The following CKAP5 variants were observed in gnomAD, a reference collection of about 807,000 sequenced individuals.
The protein encoded by CKAP5 is cytoskeleton-associated protein 5.
Under a neutral mutation model 232.8 loss-of-function variants are expected in CKAP5, and 27 were observed. The ratio of observed to expected loss-of-function variants is 0.12; its 90% CI spans 0.09 to 0.16. The LOEUF is 0.16. Ranked by LOEUF, CKAP5 falls within the 10% of genes least tolerant of loss-of-function variation. CKAP5 has a pLI of 1.00. For synonymous variants in CKAP5, 785 were observed against 841.1 expected (o/e 0.93, Z 1.16); for missense variants, 1,838 against 2,424.7 (o/e 0.76, Z 5.08).
At chr11:46,766,182 A>T (rs570235384) in intron 27 of CKAP5, among the ~76,000 whole-genome samples, 24 of 152,356 alleles carry the variant, frequency 1.6e-4, no homozygotes, top group African/African-American at 5.8e-4. Flanking sequence ...CACTATTTCT[A>T]GTTGGCCACA....
In CKAP5 at chr11:46,762,026, C is replaced by T; in HGVS notation, c.4195G>A (p.Asp1399Asn). ...TIVTVYNVHG[D>N]QVFKLIGNLS... is the part of the protein sequence containing the mutation. ...TTTCCAATCAGTTTGAACACCTGAT[C>T]CCCATGTACATTGTACACCGTTACA... is the stretch of plus-strand genomic sequence containing the variant. Residue 1399 changes from aspartate (D) to asparagine (N), a missense_variant, in exon 32 of 44, where the codon GAT (aspartate) becomes AAT (asparagine). Physicochemically the swap from Asp to Asn is conservative, Grantham distance 23 (BLOSUM62 1). Around this residue, in one of 6 missense-constraint regions of CKAP5, gnomAD observed 579 missense variants for 843.2 expected, o/e 0.69. Transcript: ENST00000529230. 6.2e-7 allele frequency: 1 copy of T among 1,613,190 alleles called. No homozygotes were observed. The highest frequency in any genetic ancestry group is 2.2e-5 in the East Asian group (1 of 44,886).
chr11:46,826,061 G>C (rs1329339811), intron 1 of CKAP5, among the ~76,000 whole-genome samples: 1 of 152,178 alleles, frequency 6.6e-6, no homozygotes, highest in Non-Finnish European at 1.5e-5. Context: ...CAGGCGGCCA[G>C]AAATCTGAAC....
rs184016713 is a variant in CKAP5 at position 46,831,374 on chromosome 11, T to G, written c.-37-10106A>C. Reference sequence around the variant, plus strand: ...ATCTGCCTATACTCATCCCATAGGCTACACTTCACTCTCTCTCTTAACATT... The same window carrying G: ...ATCTGCCTATACTCATCCCATAGGCGACACTTCACTCTCTCTCTTAACATT... On this transcript the variant is annotated intron_variant, in intron 1 of 43. Transcript: ENST00000529230. Among the ~76,000 whole-genome samples, 415 of 152,350 alleles carry G rather than the reference T, an allele frequency of 2.7e-3. 3 individuals carry two copies. Among genetic ancestry groups the G allele is most frequent in the African/African-American group, 9.8e-3 (406 of 41,590 alleles).
At chr11:46,835,640 C>T (rs1939898228) in intron 1 of CKAP5, among the ~76,000 whole-genome samples, 1 of 152,160 alleles carries the variant, frequency 6.6e-6, no homozygotes, top group African/African-American at 2.4e-5. Context: ...CACACTCACA[C>T]ATACACACTA....
At chr11:46,835,089 C>T (rs1939885285) in intron 1 of CKAP5, among the ~76,000 whole-genome samples, 2 of 151,916 alleles carry the variant, frequency 1.3e-5, no homozygotes, top group Admixed American at 6.6e-5. Flanking sequence ...TATCTTGTAG[C>T]AGTGCCTTCT....
chr11:46,761,606 C>T (rs749089607), intron 32 of CKAP5, among the ~76,000 whole-genome samples: 1 of 152,148 alleles, frequency 6.6e-6, no homozygotes, highest in Non-Finnish European at 1.5e-5. Flanking sequence ...ACGGCTGTAG[C>T]GCAAGATGTG....
intron 1 of CKAP5, among the ~76,000 whole-genome samples, chr11:46,831,207 T>C (rs1939784315): frequency 6.6e-6 from 1 of 152,166 alleles, no homozygotes; most frequent in Non-Finnish European, 1.5e-5. Context: ...CAGCATCTTT[T>C]ATAATAATGT....
intron 1 of CKAP5, among the ~76,000 whole-genome samples, chr11:46,837,138 A>G (rs1449523551): frequency 1.3e-5 from 2 of 152,228 alleles, no homozygotes; most frequent in African/African-American, 2.4e-5. Context: ...TGGGTTAGCA[A>G]TTCTGATACT....
intron 1 of CKAP5, among the ~76,000 whole-genome samples, chr11:46,826,167 A>G (rs1259375276): frequency 6.6e-6 from 1 of 152,172 alleles, no homozygotes; most frequent in East Asian, 1.9e-4. Context: ...GGAGAGGGGT[A>G]AAGAGCTGTC....
rs748209214 is a variant in CKAP5 at position 46,753,369 on chromosome 11, G to A, written c.4998C>T (p.Arg1666=). 6.2e-7 allele frequency: 1 copy of A among 1,613,984 alleles called. No individual in the cohort carries two copies. The highest frequency in any genetic ancestry group is 8.5e-7 in the Non-Finnish European group (1 of 1,179,972). The change falls in exon 37 of 44, where the codon CGC becomes CGT. Residue 1666 remains arginine (R), a synonymous_variant. Transcript: ENST00000529230. ...CCTTCACCACCAAGAGGTTCACAGA[G>A]CGGATGACCTGTTGTCCTTCCTCAA... The part of the protein sequence containing the change: ...EDLEEGQQVI[R]SVNLLVVKVL...
rs1939699582 is a variant in CKAP5, at chr11:46,828,264, G to A, written c.-37-6996C>T. On this transcript the variant is annotated intron_variant, in intron 1 of 43. Transcript: ENST00000529230. ...CTTTTCCTTACTTGGGTGGGGGCGG[G>A]GTAGATAAATAAATAAAGTTGCCAA... Among the ~76,000 whole-genome samples, 3 of 150,420 alleles carry A rather than the reference G, an allele frequency of 2.0e-5. No homozygotes were observed. The South Asian group carries it at 6.3e-4, about 32-fold the overall frequency.
At chr11:46,788,166 A>G (rs2065414130) in intron 16 of CKAP5, among the ~76,000 whole-genome samples, 1 of 152,196 alleles carries the variant, frequency 6.6e-6, no homozygotes, top group Admixed American at 6.5e-5. Flanking sequence ...GGGAGTCCAG[A>G]GTTATATGTG....
At chr11:46,768,469 GC>G (rs2065222741) in intron 26 of CKAP5, among the ~76,000 whole-genome samples, 1 of 151,956 alleles carries the variant, frequency 6.6e-6, no homozygotes, top group African/African-American at 2.4e-5. Flanking sequence ...GAGCCACCAT[GC>G]CCAGCCCAGA....
Position 46,760,705 on chromosome 11 carries a change from T to C in CKAP5, c.4301A>G (p.Gln1434Arg), listed in dbSNP as rs1158073395. The C allele has an allele frequency of 6.2e-7, 1 of 1,614,116 alleles. No individual in the cohort carries two copies. Among genetic ancestry groups the C allele is most frequent in the Non-Finnish European group, 8.5e-7 (1 of 1,180,028 alleles). ...TGCACGCTGAGGTTTCTCTTCCACC[T>C]GTTTTATTGGTGCAGCAGAGGGTCT... ...AKRPSAAPIKQVEEKPQRAQN... is the reference protein window; with the variant it reads ...AKRPSAAPIKRVEEKPQRAQN... Residue 1434 changes from glutamine (Q) to arginine (R), a missense_variant, in exon 33 of 44, where the codon CAG becomes CGG. By Grantham distance (43) the Gln-to-Arg change is conservative. Coordinates refer to ENST00000529230, the MANE Select transcript of CKAP5 (RefSeq NM_001008938.4).
Position 46,744,021 on chromosome 11 carries a change from C to T in CKAP5, c.*2G>A. ...GCAGGGTGCCGGGGGAGTGGGGCAG[C>T]TTCATTTGCGACTGCTCTTTATTCT... On this transcript the variant is annotated 3_prime_UTR_variant, in exon 44 of 44. Transcript: ENST00000529230. The T allele has an allele frequency of 5.0e-6, 8 of 1,612,416 alleles. No homozygotes were observed. The highest frequency in any genetic ancestry group is 6.8e-6 in the Non-Finnish European group (8 of 1,179,958).
Position 46,812,918 on chromosome 11 carries a change from G to A in CKAP5, c.459-1740C>T, listed in dbSNP as rs2134676869. On this transcript the variant is annotated intron_variant, in intron 4 of 43. Transcript: ENST00000529230. ...TCAGCCTCCCAACCCAAAGTGCTGG[G>A]ACAATACAGGCATGAGCCACTGCTC... Among the ~76,000 whole-genome samples the A allele has an allele frequency of 2.0e-5, 3 of 152,074 alleles. No homozygotes were observed. In the South Asian group the frequency reaches 6.2e-4, roughly 32 times the overall value.
intron 42 of CKAP5, among the ~76,000 whole-genome samples, chr11:46,747,427 C>G (rs1020886976): frequency 2.9e-4 from 44 of 151,758 alleles, no homozygotes; most frequent in African/African-American, 1.0e-3. Flanking sequence ...TACGGTGAAA[C>G]CCCGCCTCTA....
At chr11:46,793,649 G>A (rs1938795056) in intron 13 of CKAP5, among the ~76,000 whole-genome samples, 1 of 152,232 alleles carries the variant, frequency 6.6e-6, no homozygotes, top group Non-Finnish European at 1.5e-5. Flanking sequence ...CTGGCTGGGC[G>A]CAGTGGCTCA....
At chr11:46,757,057 G>A (rs1160122999) in intron 35 of CKAP5, among the ~76,000 whole-genome samples, 3 of 151,388 alleles carry the variant, frequency 2.0e-5, no homozygotes, top group East Asian at 2.0e-4. Flanking sequence ...GAGCCACAGC[G>A]CCCAGCTTTG....
Sources: gnomAD v4.1 joint callset for allele counts (sites outside exome capture counted in the v4.1 genomes callset) on GRCh38, gnomAD v4.1.1 for gene constraint, gnomAD v4.1.1 regional missense constraint, MANE v1.5 for transcripts, NCBI Gene and HGNC (gene_info 2026-07-23, HGNC 2026-07-21) for gene names.